Variants in DOCK3 observed in about 807,000 individuals in gnomAD.
DOCK3 encodes dedicator of cytokinesis protein 3.
Under a neutral mutation model 265.6 loss-of-function variants are expected in DOCK3, and 60 were observed. The ratio of observed to expected loss-of-function variants is 0.23; its 90% confidence interval spans 0.18 to 0.28. The LOEUF is 0.28. Among genes scored for constraint, DOCK3 ranks in the 10% least tolerant of loss-of-function variants. The pLI is 1.00. For missense variants in DOCK3, 1,981 were observed against 2,594.3 expected (o/e 0.76, Z 5.14); for synonymous variants, 881 against 938.0 (o/e 0.94, Z 1.11).
At chr3:51,366,774 T>C (rs2087217058) in intron 49 of DOCK3, among the ~76,000 whole-genome samples, 5 of 152,236 alleles carry the variant, frequency 3.3e-5, no homozygotes, top group Admixed American at 3.3e-4. Context: ...AGCAGGTTGT[T>C]CAGTTTCCAT....
At chr3:50,686,419 G>A (rs190370275) in intron 1 of DOCK3, among the ~76,000 whole-genome samples, 4 of 152,342 alleles carry the variant, frequency 2.6e-5, no homozygotes, top group Admixed American at 2.6e-4. Flanking sequence ...TGTCATTTGT[G>A]ATCTCAAGCA....
At chr3:51,362,317 G>A (rs558235925) in intron 48 of DOCK3, among the ~76,000 whole-genome samples, 3 of 152,288 alleles carry the variant, frequency 2.0e-5, no homozygotes, top group South Asian at 4.1e-4. Flanking sequence ...CATGGTCACC[G>A]TAGTATGGCC....
intron 21 of DOCK3, among the ~76,000 whole-genome samples, chr3:51,241,031 G>C (rs572627958): frequency 1.3e-5 from 2 of 152,270 alleles, no homozygotes; most frequent in East Asian, 3.9e-4. Flanking sequence ...TCACTGGTCT[G>C]TGTACTTGTG....
chr3:51,165,074 G>A (rs758635563), intron 12 of DOCK3, among the ~76,000 whole-genome samples: 35 of 152,006 alleles, frequency 2.3e-4, no homozygotes, highest in South Asian at 1.2e-3. Flanking sequence ...GAGTAGCTGG[G>A]ACTACAGGCA....
intron 1 of DOCK3, among the ~76,000 whole-genome samples, chr3:50,760,716 G>T (rs946501639): frequency 6.6e-6 from 1 of 151,944 alleles, no homozygotes; most frequent in African/African-American, 2.4e-5. Flanking sequence ...AGGAGCATCT[G>T]TACAGATTGT....
At chr3:51,089,898 C>CAAA (rs1166631932) in intron 8 of DOCK3, among the ~76,000 whole-genome samples, 35 of 42,230 alleles carry the variant, frequency 8.3e-4, no homozygotes, top group African/African-American at 3.0e-3. Flanking sequence ...GACTCTGTCT[C>CAAA]AAAAAAAAAA....
chr3:50,964,513 G>A (rs1457875721), intron 5 of DOCK3, among the ~76,000 whole-genome samples: 1 of 152,086 alleles, frequency 6.6e-6, no homozygotes, highest in Non-Finnish European at 1.5e-5. Flanking sequence ...ATGGCAGATC[G>A]AAGAAAGGAG....
rs1376945591 is a variant in DOCK3, at chr3:51,075,374, G to A, written c.483G>A (p.Leu161=). Residue 161 remains leucine (L), a synonymous_variant, in exon 7 of 53, where the codon CTG becomes CTA. Transcript: ENST00000266037. The part of the protein sequence containing the change: ...DWGNEHLGLD[L]VPRKDFEVVD... ...TTACTAGACATTTGGGCCTGGACCT[G>A]GTGCCTCGGAAGGACTTTGAAGTAG... The A allele has an allele frequency of 3.1e-6, 5 of 1,610,704 alleles. No individual in the cohort carries two copies. Among genetic ancestry groups the A allele is most frequent in the Non-Finnish European group, 4.2e-6 (5 of 1,178,662 alleles).
At chr3:51,172,836 C>G (rs536520699) in intron 12 of DOCK3, among the ~76,000 whole-genome samples, 3 of 152,080 alleles carry the variant, frequency 2.0e-5, no homozygotes, top group South Asian at 4.1e-4. Context: ...TCTGTGCCTA[C>G]TATGAGGTTA....
Position 51,312,543 on chromosome 3 carries a change from T to C in DOCK3, c.3161T>C (p.Ile1054Thr). ...CAGCCAAGCCTTCAGCTAGAAATTA[T>C]CACCTCAGCCAAAAGGAAGAAGATT... ...INQPSLQLEIITSAKRKKILD... is the reference protein window; with the variant it reads ...INQPSLQLEITTSAKRKKILD... Residue 1054 changes from isoleucine (I) to threonine (T), a missense_variant, in exon 30 of 53, where the codon ATC (isoleucine) becomes ACC (threonine). Ile to Thr is a moderately conservative substitution (Grantham distance 89, BLOSUM62 -1). This residue lies in a region of DOCK3 where 1,357 missense variants were observed against 1,866.8 expected (regional missense o/e 0.73). Coordinates refer to ENST00000266037, the MANE Select transcript of DOCK3 (RefSeq NM_004947.5). 2 of 1,600,144 alleles carry C rather than the reference T, an allele frequency of 1.2e-6. No individual in the cohort carries two copies. The highest frequency in any genetic ancestry group is 1.1e-5 in the South Asian group (1 of 88,426).
intron 1 of DOCK3, among the ~76,000 whole-genome samples, chr3:50,720,963 C>CT (rs886198332): frequency 5.3e-5 from 8 of 150,048 alleles, no homozygotes; most frequent in African/African-American, 1.5e-4. Context: ...TGATATTGAG[C>CT]TTTTTTTTTC....
intron 3 of DOCK3, among the ~76,000 whole-genome samples, chr3:50,872,679 G>C (rs1487315076): frequency 6.6e-6 from 1 of 152,120 alleles, no homozygotes; most frequent in Non-Finnish European, 1.5e-5. Context: ...TAGGAGCCAG[G>C]GACTAGAGTC....
At chr3:50,744,436 AT>A (rs36071655) in intron 1 of DOCK3, among the ~76,000 whole-genome samples, 93,489 of 131,730 alleles carry the variant, frequency 0.71, 32,730 homozygotes, top group Middle Eastern at 0.83. Flanking sequence ...TCTTCAGTTA[AT>A]TTTTTTTTTT....
chr3:51,090,085 C>T (rs1308404903), intron 8 of DOCK3, 145 bp from the exon 9 acceptor site: 13 of 971,752 alleles, frequency 1.3e-5, no homozygotes, highest in Non-Finnish European at 1.8e-5. Context: ...GCAGCATCCC[C>T]TACAAGCAGA....
chr3:51,308,812 TCCTCACTTCTCAGACGGGGCGGCTGCC>T (rs2082865929), intron 27 of DOCK3, among the ~76,000 whole-genome samples: 1 of 141,336 alleles, frequency 7.1e-6, no homozygotes, highest in Non-Finnish European at 1.6e-5. Flanking sequence ...GCGGAGGGGC[TCCTCACTTCTCAGACGGGGCGGCTGCC>T]GGGCGGAGGG....
At chr3:51,325,304 G>C (rs561867969) in intron 32 of DOCK3, among the ~76,000 whole-genome samples, 2 of 152,042 alleles carry the variant, frequency 1.3e-5, no homozygotes, top group Non-Finnish European at 2.9e-5. Context: ...ACAAACATAT[G>C]TAAAAAAAGC....
intron 8 of DOCK3, among the ~76,000 whole-genome samples, chr3:51,089,898 C>CAAAAAAA (rs1166631932): frequency 2.4e-5 from 1 of 42,294 alleles, no homozygotes; most frequent in Non-Finnish European, 4.7e-5. Flanking sequence ...GACTCTGTCT[C>CAAAAAAA]AAAAAAAAAA....
chr3:50,958,248 A>G (rs1402041679), intron 5 of DOCK3, among the ~76,000 whole-genome samples: 1 of 152,230 alleles, frequency 6.6e-6, no homozygotes, highest in African/African-American at 2.4e-5. Context: ...TTCTGCAGAA[A>G]GAATAGCTGC....
At chr3:50,821,297 A>AT (rs1183838678) in intron 2 of DOCK3, among the ~76,000 whole-genome samples, 14 of 149,122 alleles carry the variant, frequency 9.4e-5, no homozygotes, top group East Asian at 5.9e-4. Flanking sequence ...TTCTTCTAGG[A>AT]TTTTTTTTTC....
Sources: gnomAD v4.1 joint callset for allele counts (sites outside exome capture counted in the v4.1 genomes callset) on GRCh38, gnomAD v4.1.1 for gene constraint, gnomAD v4.1.1 regional missense constraint, MANE v1.5 for transcripts, NCBI Gene and HGNC (gene_info 2026-07-23, HGNC 2026-07-21) for gene names.